TTLL11: variants seen among roughly 807,000 people sequenced by gnomAD.
TTLL11 encodes tubulin polyglutamylase TTLL11.
In TTLL11, 42 loss-of-function variants were observed where a neutral mutation model predicts 51.7. The observed-to-expected ratio is 0.81, with a 90% CI of 0.64 to 1.05. The LOEUF (loss-of-function observed/expected upper bound fraction) is 1.05, where lower values mean the gene tolerates loss of function less well. TTLL11 is among the 50% of genes least tolerant of loss of function. The pLI is 0.00. For synonymous variants in TTLL11, 381 were observed against 383.5 expected, an observed-to-expected ratio of 0.99 and a Z score of 0.08; for missense variants, 799 against 940.4, an observed-to-expected ratio of 0.85 and a Z score of 1.97.
intron 1 of TTLL11, among the ~76,000 whole-genome samples, chr9:122,049,401 T>C (rs1288189551): frequency 6.6e-6 from 1 of 152,164 alleles, no homozygotes; most frequent in African/African-American, 2.4e-5. Context: ...GGTATTATAG[T>C]AAGGGCAGAG....
At chr9:121,849,091 C>T (rs7853263) in intron 8 of TTLL11, among the ~76,000 whole-genome samples, 1,747 of 152,284 alleles carry the variant, frequency 0.011, 40 homozygotes, top group African/African-American at 0.04. Flanking sequence ...CTGGTAGGCC[C>T]CTGTGAATAT....
chr9:122,075,445 T>G (rs1845837093), intron 1 of TTLL11, among the ~76,000 whole-genome samples: 1 of 152,230 alleles, frequency 6.6e-6, no homozygotes, highest in South Asian at 2.1e-4. Flanking sequence ...TGGAAAAGTG[T>G]TGCATACATT....
At chr9:122,074,510 T>C (rs1845809953) in intron 1 of TTLL11, among the ~76,000 whole-genome samples, 1 of 152,196 alleles carries the variant, frequency 6.6e-6, no homozygotes, top group South Asian at 2.1e-4. Flanking sequence ...TATATTTGGG[T>C]GGTTTTTTTA....
chr9:122,079,328 T>C lies in TTLL11; in HGVS notation c.462+13359A>G, dbSNP rs930141638. ...TTTTCATTTCCCTAATAGCTAATGA[T>C]GGCATATGACATTTTAATGCAGCTC... On this transcript the variant is annotated intron_variant, in intron 1 of 8. Transcript: ENST00000321582. Among the ~76,000 whole-genome samples, 7 of 152,352 alleles carry C rather than the reference T, an allele frequency of 4.6e-5. No individual in the cohort carries two copies. In the South Asian group the frequency reaches 1.5e-3, roughly 32 times the overall value.
intron 1 of TTLL11, among the ~76,000 whole-genome samples, chr9:122,084,810 C>T (rs367667953): frequency 2.0e-5 from 3 of 152,170 alleles, no homozygotes; most frequent in Admixed American, 1.3e-4. Context: ...GGAGCCACTG[C>T]GTGACCCAGA....
rs559345414 is a variant in TTLL11, at chr9:121,995,070, G to A, written c.694-5300C>T. Among the ~76,000 whole-genome samples the A allele has an allele frequency of 6.6e-6, 1 of 152,320 alleles. No homozygotes were observed. The highest frequency in any genetic ancestry group is 1.5e-5 in the Non-Finnish European group (1 of 68,032). On this transcript the variant is annotated intron_variant, in intron 3 of 8. Transcript: ENST00000321582. The surrounding 1 kb of genome is among the most constrained non-coding windows in gnomAD (Gnocchi z 4.4). Reference sequence around the variant, plus strand: ...CTGCACAGAGGACCCTGGAGGGCACGCACCTAGAGAGGTTTGTGGTCCCTG... The same window carrying A: ...CTGCACAGAGGACCCTGGAGGGCACACACCTAGAGAGGTTTGTGGTCCCTG...
At chr9:121,897,562 C>T (rs999964632) in intron 6 of TTLL11, among the ~76,000 whole-genome samples, 1 of 150,858 alleles carries the variant, frequency 6.6e-6, no homozygotes, top group African/African-American at 2.4e-5. Flanking sequence ...TGCTGAATGT[C>T]GACTCTTGGC....
chr9:122,048,295 T>C (rs1845072176), intron 1 of TTLL11, among the ~76,000 whole-genome samples: 1 of 152,122 alleles, frequency 6.6e-6, no homozygotes, highest in Non-Finnish European at 1.5e-5. Context: ...GCCTCCCTAG[T>C]AGCTGGAACT....
In TTLL11 at chr9:121,915,980, GACACACACAT is replaced by G. The variant is rs1185839229; in HGVS notation, c.1482-45242_1482-45233del. 5.3e-3 allele frequency among the ~76,000 whole-genome samples: 524 copies of G among 98,692 alleles called. 4 individuals are homozygous for G. Among genetic ancestry groups the G allele is most frequent in the African/African-American group, 0.019 (499 of 25,752 alleles). The allele number at this position is 98,692 out of a possible 152,430, so 64.7% of individuals were successfully genotyped here. On this transcript the variant is annotated intron_variant, in intron 6 of 8. Coordinates refer to ENST00000321582, the MANE Select transcript of TTLL11 (RefSeq NM_001139442.2). Reference sequence around the variant, plus strand: ...AGAAATATTGGCATGTATAGACAAAGACACACACATACACACACACACACACACACACACA... The same window carrying G: ...AGAAATATTGGCATGTATAGACAAAGACACACACACACACACACACACACA...
At chr9:122,016,223 G>A (rs16911271) in intron 3 of TTLL11, among the ~76,000 whole-genome samples, 22,995 of 152,066 alleles carry the variant, frequency 0.15, 3,121 homozygotes, top group African/African-American at 0.36. Context: ...GCAAAAAGAA[G>A]GGCAGTCAGA....
At chr9:122,055,983 G>T (rs970491940) in intron 1 of TTLL11, among the ~76,000 whole-genome samples, 1 of 152,180 alleles carries the variant, frequency 6.6e-6, no homozygotes, top group Non-Finnish European at 1.5e-5. Context: ...GAGCTGCCTC[G>T]GGCATTCACA....
chr9:122,059,585 T>C (rs1386673758), intron 1 of TTLL11, among the ~76,000 whole-genome samples: 3 of 152,202 alleles, frequency 2.0e-5, no homozygotes, highest in Non-Finnish European at 4.4e-5. Context: ...CATGTACACA[T>C]GTGCACTTAA....
chr9:121,825,324 G>A lies in TTLL11; in HGVS notation c.1841-2445C>T, dbSNP rs928871903. On this transcript the variant is annotated intron_variant, in intron 8 of 8. Transcript: ENST00000321582. The stretch of plus-strand genomic sequence containing the variant: ...CAGTCCCAGTCCCCTACTTCCCAAC[G>A]GTGTGATCTAAACAGCGCCACTCAA... 4.6e-5 allele frequency among the ~76,000 whole-genome samples: 7 copies of A among 152,238 alleles called. 1 individual carries two copies. Among genetic ancestry groups the A allele is most frequent in the Admixed American group, 3.9e-4 (6 of 15,298 alleles).
At position 121,989,427 on chromosome 9, in the gene TTLL11, G is replaced by A. The variant is rs1222079037; in HGVS notation, c.1037C>T (p.Ser346Leu). The A allele has an allele frequency of 3.7e-6, 6 of 1,614,068 alleles. No homozygotes were observed. Among genetic ancestry groups the A allele is most frequent in the African/African-American group, 1.3e-5 (1 of 74,916 alleles). Residue 346 changes from serine (S) to leucine (L), a missense_variant, in exon 4 of 9, where the codon TCA (serine) becomes TTA (leucine). Physicochemically the swap from Ser to Leu is moderately radical, Grantham distance 145. Transcript: ENST00000321582. This position sits in a 1 kb window ranked among gnomAD's most constrained non-coding sequence, Gnocchi z 4.2. ...GAAGTTGCCGCTGTGGATGTTCAGTGAATAGTTGGTTAAGTGCATAAAGAT... is the reference window on the plus strand; with the variant it reads ...GAAGTTGCCGCTGTGGATGTTCAGTAAATAGTTGGTTAAGTGCATAAAGAT... ...HRIFMHLTNY[S>L]LNIHSGNFIH... is the part of the protein sequence containing the mutation.
intron 1 of TTLL11, among the ~76,000 whole-genome samples, chr9:122,081,294 G>A (rs1450204637): frequency 6.6e-6 from 1 of 152,226 alleles, no homozygotes. Context: ...GATCTAAGCT[G>A]TGTGTCTCTT....
intron 8 of TTLL11, among the ~76,000 whole-genome samples, chr9:121,839,281 C>G (rs987127107): frequency 6.6e-6 from 1 of 152,236 alleles, no homozygotes; most frequent in Non-Finnish European, 1.5e-5. Flanking sequence ...CATCCCTGCA[C>G]GTCCCCATCA....
At chr9:121,975,285 C>T (rs61641107) in intron 4 of TTLL11, among the ~76,000 whole-genome samples, 4,401 of 152,246 alleles carry the variant, frequency 0.029, 193 homozygotes, top group African/African-American at 0.097. Context: ...TGAGTAGTAG[C>T]CCATCAATTT....
At chr9:121,826,262 T>C (rs1241343039) in intron 8 of TTLL11, among the ~76,000 whole-genome samples, 1 of 119,630 alleles carries the variant, frequency 8.4e-6, no homozygotes, top group African/African-American at 3.2e-5. Flanking sequence ...GTTATATATA[T>C]GGGTAAAACC....
intron 1 of TTLL11, among the ~76,000 whole-genome samples, chr9:122,040,981 G>A (rs10818620): frequency 0.37 from 56,110 of 152,024 alleles, 11,863 homozygotes; most frequent in African/African-American, 0.58. Flanking sequence ...CAGGCTATCC[G>A]AGCAAAGGGT....
Sources: gnomAD v4.1 joint callset for allele counts (sites outside exome capture counted in the v4.1 genomes callset) on GRCh38, gnomAD v4.1.1 for gene constraint, Gnocchi (gnomAD v3.1) non-coding constraint, MANE v1.5 for transcripts, NCBI Gene and HGNC (gene_info 2026-07-23, HGNC 2026-07-21) for gene names.